Variants in KLHL14 observed in about 807,000 individuals in gnomAD.
KLHL14 encodes the protein kelch-like protein 14.
In KLHL14, 22 loss-of-function variants were observed where a neutral mutation model predicts 64.3. That is an observed-to-expected ratio of 0.34 (90% CI 0.24 to 0.49). The LOEUF is 0.49. Ranked by LOEUF, KLHL14 falls within the 20% of genes least tolerant of loss-of-function variation. The probability of loss-of-function intolerance (pLI) is 0.99; values close to 1 mark genes in which losing one functional copy is unlikely to be tolerated. For synonymous variants in KLHL14, 322 were observed against 333.4 expected (o/e 0.97, Z 0.37); for missense variants, 661 against 789.0 (o/e 0.84, Z 1.94).
intron 5 of KLHL14, 75 bp downstream of exon 5, chr18:32,687,080 A>G (rs974067628): frequency 5.6e-6 from 7 of 1,239,724 alleles, no homozygotes; most frequent in Non-Finnish European, 8.3e-6. Flanking sequence ...ATTCCTTCTT[A>G]CAAAAAACCA....
At chr18:32,727,072 A>C (rs1021679998) in intron 3 of KLHL14, among the ~76,000 whole-genome samples, 12 of 152,358 alleles carry the variant, frequency 7.9e-5, no homozygotes, top group Admixed American at 2.6e-4. Flanking sequence ...GTGAACTCCC[A>C]ACCTTAGCTT....
intron 5 of KLHL14, among the ~76,000 whole-genome samples, chr18:32,685,629 G>T (rs527457166): frequency 5.1e-4 from 78 of 152,266 alleles, no homozygotes; most frequent in Middle Eastern, 6.8e-3. Context: ...GCTATTAATT[G>T]ACTTAGAATT....
intron 3 of KLHL14, among the ~76,000 whole-genome samples, chr18:32,725,155 G>A (rs549042184): frequency 6.6e-6 from 1 of 152,046 alleles, no homozygotes; most frequent in South Asian, 2.1e-4. Context: ...CCAAGTAGGT[G>A]GGATGGGACT....
At chr18:32,738,057 T>C (rs1486518341) in intron 3 of KLHL14, 1 of 152,110 alleles carries the variant, frequency 6.6e-6, no homozygotes, top group Non-Finnish European at 1.5e-5. Flanking sequence ...GAATCTCTTA[T>C]TTGAAACATT....
At chr18:32,720,639 T>C (rs901263438) in intron 3 of KLHL14, among the ~76,000 whole-genome samples, 7 of 152,086 alleles carry the variant, frequency 4.6e-5, no homozygotes, top group Non-Finnish European at 1.0e-4. Context: ...GAAGGGGGCT[T>C]GGGATGACAT....
intron 3 of KLHL14, among the ~76,000 whole-genome samples, chr18:32,720,210 G>T (rs1030932160): frequency 6.6e-6 from 1 of 152,172 alleles, no homozygotes; most frequent in African/African-American, 2.4e-5. Context: ...GGTTTTAGGA[G>T]CCCTGCTAAA....
intron 3 of KLHL14, among the ~76,000 whole-genome samples, chr18:32,703,338 T>G (rs1287567218): frequency 1.3e-5 from 2 of 152,176 alleles, no homozygotes; most frequent in African/African-American, 4.8e-5. Context: ...TTTATTTTTT[T>G]GGAAGGTGGA....
At chr18:32,739,966 T>C (rs1281082632) in intron 3 of KLHL14, among the ~76,000 whole-genome samples, 1 of 152,222 alleles carries the variant, frequency 6.6e-6, no homozygotes, top group Non-Finnish European at 1.5e-5. Context: ...GAGTGCATTC[T>C]ATGTGCTAGA....
intron 1 of KLHL14, among the ~76,000 whole-genome samples, 159 bp downstream of exon 1, chr18:32,772,508 T>G (rs1397513257): frequency 6.6e-6 from 1 of 151,878 alleles, no homozygotes; most frequent in African/African-American, 2.4e-5. Context: ...CCTCATCTGC[T>G]TATTTCTTGC....
chr18:32,752,281 T>G (rs2050258013), intron 2 of KLHL14, among the ~76,000 whole-genome samples: 1 of 152,130 alleles, frequency 6.6e-6, no homozygotes, highest in Non-Finnish European at 1.5e-5. Flanking sequence ...TTCCCTTACT[T>G]GTTTCAAGGT....
chr18:32,734,185 C>G (rs768932454), intron 3 of KLHL14: 5 of 702,866 alleles, frequency 7.1e-6, no homozygotes, highest in South Asian at 5.9e-5. Flanking sequence ...GGTTTTCCTC[C>G]TTCTGAACTC....
intron 7 of KLHL14, among the ~76,000 whole-genome samples, chr18:32,677,765 C>G (rs2049818696): frequency 6.6e-6 from 1 of 152,130 alleles, no homozygotes. Flanking sequence ...TCCTCACTTT[C>G]ATTTTATAGA....
chr18:32,720,429 T>C (rs183339386), intron 3 of KLHL14, among the ~76,000 whole-genome samples: 2 of 152,178 alleles, frequency 1.3e-5, no homozygotes, highest in Admixed American at 6.5e-5. Flanking sequence ...AAGATGCTAT[T>C]TCTCCCAACA....
At chr18:32,688,307 C>G (rs918930840) in intron 4 of KLHL14, among the ~76,000 whole-genome samples, 3 of 152,020 alleles carry the variant, frequency 2.0e-5, no homozygotes, top group African/African-American at 7.3e-5. Flanking sequence ...ACAGACATGT[C>G]CACCCAACAC....
At chr18:32,713,954 A>G (rs924307649) in intron 3 of KLHL14, among the ~76,000 whole-genome samples, 6 of 152,310 alleles carry the variant, frequency 3.9e-5, no homozygotes, top group Admixed American at 3.9e-4. Flanking sequence ...AATTTCTTTT[A>G]AAAATCTACC....
intron 3 of KLHL14, among the ~76,000 whole-genome samples, chr18:32,706,233 G>GAGTCAACAGCTTGTCAC (rs918312160): frequency 6.6e-6 from 1 of 152,148 alleles, no homozygotes; most frequent in Admixed American, 6.5e-5. Flanking sequence ...GGATTATACT[G>GAGTCAACAGCTTGTCAC]AGTCAACAGC....
intron 2 of KLHL14, among the ~76,000 whole-genome samples, chr18:32,757,380 G>A (rs551230348): frequency 1.2e-4 from 18 of 152,182 alleles, no homozygotes; most frequent in Admixed American, 7.9e-4. Flanking sequence ...TTTCCGTGTC[G>A]GAATCCACTT....
At chr18:32,763,363 C>G (rs867444136) in intron 2 of KLHL14, among the ~76,000 whole-genome samples, 18 of 152,082 alleles carry the variant, frequency 1.2e-4, no homozygotes, top group Non-Finnish European at 1.9e-4. Flanking sequence ...ATGGCAGGAA[C>G]TTTTAATGAC....
intron 3 of KLHL14, among the ~76,000 whole-genome samples, chr18:32,736,791 A>G (rs760702665): frequency 6.6e-6 from 1 of 152,074 alleles, no homozygotes; most frequent in Non-Finnish European, 1.5e-5. Context: ...CCTTTTGCCT[A>G]GGTAATTCCT....
Sources: gnomAD v4.1 joint callset for allele counts (sites outside exome capture counted in the v4.1 genomes callset) on GRCh38, gnomAD v4.1.1 for gene constraint, MANE v1.5 for transcripts, NCBI Gene and HGNC (gene_info 2026-07-23, HGNC 2026-07-21) for gene names.